Variants in PCDH11X observed in about 807,000 individuals in gnomAD.
PCDH11X encodes the protein protocadherin 11 X-linked.
Under a neutral mutation model 53.3 loss-of-function variants are expected in PCDH11X, and 18 were observed. The observed-to-expected ratio is 0.34, with a 90% confidence interval of 0.23 to 0.50. The LOEUF (loss-of-function observed/expected upper bound fraction) is 0.50, where lower values mean the gene tolerates loss of function less well. Ranked by LOEUF, PCDH11X falls within the 20% of genes least tolerant of loss-of-function variation. PCDH11X has a pLI of 0.98. For missense variants in PCDH11X, 570 were observed against 1,032.4 expected (o/e 0.55, Z 6.14); for synonymous variants, 279 against 393.3 (o/e 0.71, Z 3.44).
At chrX:92,443,505 T>C (rs1603317943) in intron 9 of PCDH11X, among the ~76,000 whole-genome samples, 1 of 111,371 alleles carries the variant, frequency 9.0e-6, no homozygotes, top group African/African-American at 3.3e-5. Context: ...GTTTCTTTTG[T>C]TGTGCAGAAG....
intron 8 of PCDH11X, among the ~76,000 whole-genome samples, chrX:92,333,662 T>C (rs996370793): frequency 3.6e-5 from 4 of 111,542 alleles, no homozygotes; most frequent in African/African-American, 1.3e-4. Flanking sequence ...GTTAATTGTT[T>C]AGTTTCAGGT....
intron 4 of PCDH11X, among the ~76,000 whole-genome samples, chrX:91,822,652 GT>G (rs1204814983): frequency 7.4e-5 from 7 of 94,855 alleles, no homozygotes; most frequent in African/African-American, 2.2e-4. Flanking sequence ...TTTTTGAAGG[GT>G]TTTTTGTGTC....
rs1252560000 is a variant in PCDH11X, at chrX:92,100,442, TCG to T, written c.3034-100931_3034-100930del. The stretch of plus-strand genomic sequence containing the variant: ...GTTCTCTGGCGGGTAGGAGTGGGGG[TCG>T]CAAGGTGCTCAGTGGGGGTGCTTTT... On this transcript the variant is annotated intron_variant, in intron 6 of 10. Transcript: ENST00000682573. Among the ~76,000 whole-genome samples, 529 of 102,525 alleles carry T rather than the reference TCG, an allele frequency of 5.2e-3. 1 individual carries two copies. Among genetic ancestry groups the T allele is most frequent in the African/African-American group, 0.018 (500 of 27,093 alleles). 89.0% of individuals were successfully genotyped at this position (102,525 alleles called of 115,157 possible). A position where few individuals can be genotyped will look rare whatever the true frequency, so the allele number is the denominator to read the frequency against.
At chrX:91,970,963 G>A (rs1306545418) in intron 6 of PCDH11X, among the ~76,000 whole-genome samples, 2 of 111,095 alleles carry the variant, frequency 1.8e-5, no homozygotes, top group African/African-American at 3.3e-5. Flanking sequence ...CAACCATAGC[G>A]TCATGCAGAT....
At chrX:91,848,825 CA>C (rs531620263) in intron 5 of PCDH11X, among the ~76,000 whole-genome samples, 4 of 111,500 alleles carry the variant, frequency 3.6e-5, no homozygotes, top group South Asian at 7.4e-4. Flanking sequence ...GTTTGGTCCA[CA>C]AAAAAATTTC....
intron 6 of PCDH11X, among the ~76,000 whole-genome samples, chrX:92,175,604 T>C (rs1156544191): frequency 9.1e-6 from 1 of 109,321 alleles, no homozygotes; most frequent in Non-Finnish European, 1.9e-5. Context: ...TATATTTATA[T>C]CTATATATCT....
intron 6 of PCDH11X, among the ~76,000 whole-genome samples, chrX:91,925,505 T>G (rs1041602729): frequency 2.7e-5 from 3 of 111,399 alleles, no homozygotes; most frequent in Non-Finnish European, 5.7e-5. Flanking sequence ...GCAGTCTTTC[T>G]CTCCAATTGT....
chrX:91,855,281 C>A (rs1009482597), intron 5 of PCDH11X, among the ~76,000 whole-genome samples: 2 of 111,542 alleles, frequency 1.8e-5, no homozygotes, highest in Non-Finnish European at 1.9e-5. Context: ...ATGTTTTTGG[C>A]AACCTTGTCA....
intron 9 of PCDH11X, among the ~76,000 whole-genome samples, chrX:92,441,376 G>A (rs2072511628): frequency 9.0e-6 from 1 of 111,476 alleles, no homozygotes; most frequent in Non-Finnish European, 1.9e-5. Context: ...CTTTATGGCA[G>A]CCCCTCCTAT....
Position 92,231,854 on chromosome X carries a change from T to A in PCDH11X, c.3114+30399T>A, listed in dbSNP as rs148410021. 5.0e-3 allele frequency among the ~76,000 whole-genome samples: 560 copies of A among 111,902 alleles called. 6 individuals are homozygous for A. The highest frequency in any genetic ancestry group is 0.017 in the African/African-American group (538 of 30,800). ...AAGAATGACACTTGGCCATGAAATA[T>A]CTCAGTCCGTAGTAGCGCTCATGGG... On this transcript the variant is annotated intron_variant, in intron 7 of 10. Coordinates refer to ENST00000682573, the MANE Select transcript of PCDH11X (RefSeq NM_032968.5).
At chrX:92,063,462 T>C (rs1415623690) in intron 6 of PCDH11X, among the ~76,000 whole-genome samples, 1 of 111,524 alleles carries the variant, frequency 9.0e-6, no homozygotes, top group South Asian at 3.8e-4. Flanking sequence ...GTTATTTTAT[T>C]GTATTCCTTA....
intron 8 of PCDH11X, among the ~76,000 whole-genome samples, chrX:92,271,923 T>C (rs1442614590): frequency 1.8e-5 from 2 of 112,358 alleles, no homozygotes; most frequent in African/African-American, 6.5e-5. Flanking sequence ...ATTTAAAGAC[T>C]AGAACAAGTA....
chrX:92,152,777 A>C (rs1424474979), intron 6 of PCDH11X, among the ~76,000 whole-genome samples: 1 of 103,232 alleles, frequency 9.7e-6, no homozygotes, highest in African/African-American at 3.4e-5. Flanking sequence ...GTATGTATGT[A>C]TGTATGTATG....
rs1246245118 is a variant in PCDH11X, at chrX:92,550,911, C to T, written c.3368-67353C>T. Among the ~76,000 whole-genome samples, 7 of 108,998 alleles carry T rather than the reference C, an allele frequency of 6.4e-5. No homozygotes were observed. The East Asian group carries it at 2.0e-3, about 31-fold the overall frequency. The allele number at this position is 108,998 out of a possible 115,157, so 94.7% of individuals were successfully genotyped here. A position where few individuals can be genotyped will look rare whatever the true frequency, so the allele number is the denominator to read the frequency against. ...GTTCCATTCATATTGTTGCATATGACTGGATCTCATTCTTTTTTATGGCTA... is the reference window on the plus strand; with the variant it reads ...GTTCCATTCATATTGTTGCATATGATTGGATCTCATTCTTTTTTATGGCTA... On this transcript the variant is annotated intron_variant, in intron 10 of 10. Coordinates refer to ENST00000682573, the MANE Select transcript of PCDH11X (RefSeq NM_032968.5).
intron 6 of PCDH11X, among the ~76,000 whole-genome samples, chrX:91,956,245 C>T (rs1307449708): frequency 2.7e-5 from 3 of 110,602 alleles, no homozygotes; most frequent in Non-Finnish European, 5.7e-5. Flanking sequence ...GCATTTAGCC[C>T]ATTTACATTT....
chrX:92,232,214 A>G (rs763845404), intron 7 of PCDH11X, among the ~76,000 whole-genome samples: 1 of 111,671 alleles, frequency 9.0e-6, no homozygotes, highest in East Asian at 2.8e-4. Flanking sequence ...ATGGTGGTGT[A>G]TATTATAAAA....
chrX:92,045,964 C>T (rs1379164253), intron 6 of PCDH11X, among the ~76,000 whole-genome samples: 15 of 108,023 alleles, frequency 1.4e-4, no homozygotes, highest in African/African-American at 4.1e-4. Context: ...ACAACACTTT[C>T]AGAAGTTTAT....
At chrX:92,257,119 G>A (rs1394981285) in intron 7 of PCDH11X, among the ~76,000 whole-genome samples, 1 of 111,475 alleles carries the variant, frequency 9.0e-6, no homozygotes, top group Admixed American at 9.5e-5. Context: ...CAAAGGGGGA[G>A]CAGCACTTCA....
intron 4 of PCDH11X, among the ~76,000 whole-genome samples, chrX:91,822,041 A>G (rs1419061645): frequency 1.8e-4 from 19 of 107,161 alleles, no homozygotes; most frequent in Non-Finnish European, 3.6e-4. Flanking sequence ...ATCATGGTGG[A>G]TAAGCTTTTT....
Sources: gnomAD v4.1 joint callset for allele counts (sites outside exome capture counted in the v4.1 genomes callset) on GRCh38, gnomAD v4.1.1 for gene constraint, MANE v1.5 for transcripts, NCBI Gene and HGNC (gene_info 2026-07-23, HGNC 2026-07-21) for gene names.